Variants in NAA25 observed in about 807,000 individuals in gnomAD.
The protein encoded by NAA25 is N-alpha-acetyltransferase 25, NatB auxiliary subunit.
Under a neutral mutation model 132.5 loss-of-function variants are expected in NAA25, and 30 were observed. The ratio of observed to expected loss-of-function variants is 0.23; its 90% CI spans 0.17 to 0.31. The LOEUF (loss-of-function observed/expected upper bound fraction) is 0.31. Among genes scored for constraint, NAA25 ranks in the 10% least tolerant of loss-of-function variants. The pLI is 1.00. For missense variants in NAA25, 771 were observed against 1,150.4 expected (o/e 0.67, Z 4.77); for synonymous variants, 359 against 401.9 (o/e 0.89, Z 1.28).
At chr12:112,037,301 T>A (rs1228748352) in intron 22 of NAA25, among the ~76,000 whole-genome samples, 2 of 121,552 alleles carry the variant, frequency 1.6e-5, no homozygotes, top group Non-Finnish European at 3.6e-5. Context: ...TATATATATA[T>A]ATATATATAT....
chr12:112,062,408 A>G (rs575984702), intron 11 of NAA25, among the ~76,000 whole-genome samples: 1 of 151,460 alleles, frequency 6.6e-6, no homozygotes, highest in Non-Finnish European at 1.5e-5. Context: ...CTCAAAAAAA[A>G]AAAAAAAAAG....
intron 10 of NAA25, 61 bp downstream of exon 10, chr12:112,071,833 TG>T: frequency 1.9e-6 from 2 of 1,030,958 alleles, no homozygotes; most frequent in Non-Finnish European, 1.3e-6. Context: ...TCTCAACTAA[TG>T]AATATAGCAC....
At chr12:112,053,730 C>T (rs1407988780) in intron 14 of NAA25, 73 bp from the exon 15 acceptor site, 16 of 1,062,800 alleles carry the variant, frequency 1.5e-5, no homozygotes, top group African/African-American at 3.2e-5. Flanking sequence ...ACAAATATTA[C>T]GCTTCAAATT....
chr12:112,047,730 A>G lies in NAA25; in HGVS notation c.1941T>C (p.Ile647=), dbSNP rs745819052. The change falls in exon 17 of 24, where the codon ATT becomes ATC. Residue 647 remains isoleucine (I), a synonymous_variant. Coordinates refer to ENST00000261745, the MANE Select transcript of NAA25 (RefSeq NM_024953.4). ...TGTTGTCTCGCAAATCTTCCCATGG[A>G]ATGTCATCTTCTTCTGGCCTAAGGT... ...SMNLRPEEDD[I]PWEDLRDNRD... The G allele has an allele frequency of 6.2e-7, 1 of 1,613,914 alleles. No individual in the cohort carries two copies. Among genetic ancestry groups the G allele is most frequent in the Admixed American group, 1.7e-5 (1 of 60,008 alleles).
At chr12:112,078,416 A>G in intron 6 of NAA25, 150 bp from the exon 7 acceptor site, 1 of 701,100 alleles carries the variant, frequency 1.4e-6, no homozygotes, top group Admixed American at 2.9e-5. Context: ...GATCTTCTCC[A>G]TCTATATCTC....
chr12:112,105,046 G>A lies in NAA25; in HGVS notation c.58+3670C>T, dbSNP rs1045634342. Among the ~76,000 whole-genome samples, 6 of 151,720 alleles carry A rather than the reference G, an allele frequency of 4.0e-5. No individual in the cohort carries two copies. The East Asian group carries it at 9.7e-4, about 25-fold the overall frequency. ...AAATAATAATAATAATGGGCAGGGCGCAGTGGCTCACGCCTGTAACCCCAG... is the reference window on the plus strand; with the variant it reads ...AAATAATAATAATAATGGGCAGGGCACAGTGGCTCACGCCTGTAACCCCAG... On this transcript the variant is annotated intron_variant, in intron 1 of 23. Coordinates refer to ENST00000261745, the MANE Select transcript of NAA25 (RefSeq NM_024953.4).
At chr12:112,078,786 G>A in intron 5 of NAA25, 45 bp from the exon 6 acceptor site, 2 of 1,464,262 alleles carry the variant, frequency 1.4e-6, no homozygotes, top group Non-Finnish European at 1.9e-6. Flanking sequence ...TCCCCTGCTT[G>A]CACTATTGAT....
At chr12:112,070,479 C>T (rs1280637721) in intron 10 of NAA25, among the ~76,000 whole-genome samples, 2 of 152,178 alleles carry the variant, frequency 1.3e-5, no homozygotes, top group African/African-American at 2.4e-5. Context: ...TTTCAAGAAA[C>T]CTTTCATCCA....
At chr12:112,061,593 A>C (rs1052818611) in intron 11 of NAA25, among the ~76,000 whole-genome samples, 12 of 152,228 alleles carry the variant, frequency 7.9e-5, no homozygotes, top group Admixed American at 3.3e-4. Flanking sequence ...GCTCCAATGA[A>C]ACTGGCACAC....
In NAA25 at chr12:112,029,621, C is replaced by G; in HGVS notation, c.2829G>C (p.Gly943=). 1 of 1,613,822 alleles carries G rather than the reference C, an allele frequency of 6.2e-7. No homozygotes were observed. Among genetic ancestry groups the G allele is most frequent in the South Asian group, 1.1e-5 (1 of 91,066 alleles). The part of the protein sequence containing the change: ...EERKFSKTVQ[G]KVQSSYLHSL... ...AGTGCAGATAACTGCTCTGCACCTT[C>G]CCTTGCACAGTCTTTGAAAATTTTC... is the stretch of plus-strand genomic sequence containing the variant. The change falls in exon 24 of 24, where the codon GGG becomes GGC. Residue 943 remains glycine, a synonymous_variant. Transcript: ENST00000261745.
intron 4 of NAA25, among the ~76,000 whole-genome samples, chr12:112,085,235 C>T (rs190060234): frequency 5.3e-5 from 8 of 150,654 alleles, no homozygotes; most frequent in Admixed American, 5.3e-4. Flanking sequence ...ATCACACACA[C>T]AAAAAAATTA....
chr12:112,029,183 T>C lies in NAA25; in HGVS notation c.*348A>G, dbSNP rs540346958. 5 of 230,076 alleles carry C rather than the reference T, an allele frequency of 2.2e-5. No homozygotes were observed. The highest frequency in any genetic ancestry group is 9.1e-5 in the African/African-American group (4 of 44,012). The allele number at this position is 230,076 out of a possible 1,614,324, so 14.3% of individuals were successfully genotyped here. ...GGCTATTCAGTTGCTATGAGGTTGA[T>C]GCTTTATGCTTAATTTCTATTGCTG... On this transcript the variant is annotated 3_prime_UTR_variant, in exon 24 of 24. Transcript: ENST00000261745.
At chr12:112,055,182 A>G (rs965931775) in intron 13 of NAA25, among the ~76,000 whole-genome samples, 2 of 152,220 alleles carry the variant, frequency 1.3e-5, no homozygotes, top group Non-Finnish European at 1.5e-5. Flanking sequence ...TTATCGTACT[A>G]TCTAGTGATG....
chr12:112,047,683 C>G lies in NAA25; in HGVS notation c.1988G>C (p.Ser663Thr). 6.2e-7 allele frequency: 1 copy of G among 1,612,660 alleles called. No individual in the cohort carries two copies. The highest frequency in any genetic ancestry group is 8.5e-7 in the Non-Finnish European group (1 of 1,179,652). ...CAGTTACCTGTCTTTTGGATCCCAG[C>G]TGAAAAAAACATTTAAGTCTCTGTT... ...RDNRDLNVFF[S>T]WDPKDRDVSE... The change falls in exon 17 of 24, where the codon AGC becomes ACC. Residue 663 changes from serine (S) to threonine (T), a missense_variant. Ser to Thr is a moderately conservative substitution (Grantham distance 58). Around this residue, in one of 3 missense-constraint regions of NAA25, gnomAD observed 324 missense variants for 400.0 expected, o/e 0.81. Transcript: ENST00000261745.
intron 19 of NAA25, 90 bp downstream of exon 19, chr12:112,042,998 A>C: frequency 7.5e-7 from 1 of 1,333,610 alleles, no homozygotes; most frequent in Non-Finnish European, 1.0e-6. Flanking sequence ...ATGTACTCTA[A>C]AATTTTCCAG....
rs79696724 is a variant in NAA25, at chr12:112,101,059, G to C, written c.58+7657C>G. On this transcript the variant is annotated intron_variant, in intron 1 of 23. Coordinates refer to ENST00000261745, the MANE Select transcript of NAA25 (RefSeq NM_024953.4). ...AAGCCTTTGCTTACATCCTCAAGTGGACCAAGCTCCTTTTCTCAGGGTCTT... is the reference window on the plus strand; with the variant it reads ...AAGCCTTTGCTTACATCCTCAAGTGCACCAAGCTCCTTTTCTCAGGGTCTT... 6.4e-4 allele frequency among the ~76,000 whole-genome samples: 97 copies of C among 152,196 alleles called. 1 individual carries two copies. The East Asian group carries it at 0.018, about 28-fold the overall frequency.
chr12:112,077,383 GA>G (rs1292216088), intron 7 of NAA25, among the ~76,000 whole-genome samples: 1 of 151,592 alleles, frequency 6.6e-6, no homozygotes, highest in Non-Finnish European at 1.5e-5. Context: ...TGAGGCAGGA[GA>G]ATCACTTGAA....
chr12:112,078,263 C>T lies in NAA25; in HGVS notation c.589G>A (p.Glu197Lys). 8 of 1,604,568 alleles carry T rather than the reference C, an allele frequency of 5.0e-6. No individual in the cohort carries two copies. Among genetic ancestry groups the T allele is most frequent in the Non-Finnish European group, 6.8e-6 (8 of 1,175,992 alleles). ...CGTTCCAGGATCATATAATAAAGTT[C>T]AACCTTACAGAAAAAAAACAAGAAG... ...EDKIEAEAEV[E>K]LYYMILERLG... Residue 197 changes from glutamate to lysine, a missense_variant, in exon 7 of 24, where the codon GAA (glutamate) becomes AAA (lysine). This residue lies in a region of NAA25 where 417 missense variants were observed against 733.8 expected (regional missense o/e 0.57). Coordinates refer to ENST00000261745, the MANE Select transcript of NAA25 (RefSeq NM_024953.4).
rs750053993 is a variant in NAA25, at chr12:112,060,383, T to C, written c.1358-24A>G. On this transcript the variant is annotated intron_variant, in intron 12 of 23. Coordinates refer to ENST00000261745, the MANE Select transcript of NAA25 (RefSeq NM_024953.4). ...CCCTATGGGGGAAAAAAATCATATC[T>C]ATTTTAACATTTGTTCAACTATTAC... is the stretch of plus-strand genomic sequence containing the variant. 6 of 1,505,990 alleles carry C rather than the reference T, an allele frequency of 4.0e-6. No homozygotes were observed. The African/African-American group carries it at 6.9e-5, about 17-fold the overall frequency. The allele number at this position is 1,505,990 out of a possible 1,614,324, so 93.3% of individuals were successfully genotyped here. A position where few individuals can be genotyped will look rare whatever the true frequency, so the allele number is the denominator to read the frequency against.
Sources: gnomAD v4.1 joint callset for allele counts (sites outside exome capture counted in the v4.1 genomes callset) on GRCh38, gnomAD v4.1.1 for gene constraint, gnomAD v4.1.1 regional missense constraint, MANE v1.5 for transcripts, NCBI Gene and HGNC (gene_info 2026-07-23, HGNC 2026-07-21) for gene names.